RANBP2: variants seen among roughly 807,000 people sequenced by gnomAD.
The protein encoded by RANBP2 is RAN binding protein 2.
A neutral mutation model predicts 303.6 loss-of-function variants in RANBP2; 57 were observed. That is an observed-to-expected ratio of 0.19 (90% confidence interval 0.15 to 0.23). The LOEUF (loss-of-function observed/expected upper bound fraction) is 0.23. RANBP2 is among the 10% of genes least tolerant of loss of function. RANBP2 has a pLI of 1.00. For synonymous variants in RANBP2, 1,167 were observed against 1,301.5 expected (o/e 0.90, Z 2.23); for missense variants, 3,138 against 3,780.8 (o/e 0.83, Z 4.46).
the RANBP2 span, among the ~76,000 whole-genome samples, chr2:109,447,968 A>G: frequency 3.3e-5 from 5 of 152,206 alleles, no homozygotes; most frequent in African/African-American, 1.2e-4. Context: ...AGATGGCAGC[A>G]GGGTGGTGGG....
the RANBP2 span, among the ~76,000 whole-genome samples, chr2:108,961,291 G>A: frequency 6.6e-6 from 1 of 151,850 alleles, no homozygotes; most frequent in Admixed American, 6.5e-5. Context: ...ATAATTAAGA[G>A]GGGGAGACAC....
At chr2:109,567,354 T>C in the RANBP2 span, among the ~76,000 whole-genome samples, 6 of 152,196 alleles carry the variant, frequency 3.9e-5, no homozygotes, top group African/African-American at 1.2e-4. Context: ...TCACCTTCCA[T>C]TGTACTAAAC....
chr2:109,323,740 G>A, the RANBP2 span, among the ~76,000 whole-genome samples: 3 of 152,288 alleles, frequency 2.0e-5, no homozygotes, highest in South Asian at 6.2e-4. Context: ...GTGGGCATGA[G>A]GATGCTTCTC....
chr2:109,178,933 AT>A, the RANBP2 span, among the ~76,000 whole-genome samples: 1 of 151,990 alleles, frequency 6.6e-6, no homozygotes, highest in Admixed American at 6.6e-5. Context: ...TGTGTAAGAT[AT>A]TCAAATTAAC....
chr2:109,138,064 G>A, the RANBP2 span, among the ~76,000 whole-genome samples: 1 of 152,132 alleles, frequency 6.6e-6, no homozygotes, highest in Non-Finnish European at 1.5e-5. Flanking sequence ...TACCCTAGCT[G>A]GAGTGCAGTG....
the RANBP2 span, among the ~76,000 whole-genome samples, chr2:109,340,826 C>T: frequency 6.6e-6 from 1 of 152,130 alleles, no homozygotes; most frequent in Non-Finnish European, 1.5e-5. Context: ...CATTCTAAGG[C>T]CACCACAGAT....
At chr2:109,114,345 T>A in the RANBP2 span, among the ~76,000 whole-genome samples, 2 of 152,320 alleles carry the variant, frequency 1.3e-5, no homozygotes, top group African/African-American at 4.8e-5. Flanking sequence ...TTAACTTCTT[T>A]CTGGTTTAGT....
At chr2:109,078,276 A>AGCGTG in the RANBP2 span, among the ~76,000 whole-genome samples, 9 of 76,804 alleles carry the variant, frequency 1.2e-4, no homozygotes, top group Non-Finnish European at 2.6e-5. Flanking sequence ...GCGTATATAT[A>AGCGTG]TATATATATA....
At chr2:109,367,286 T>A in the RANBP2 span, among the ~76,000 whole-genome samples, 1 of 150,624 alleles carries the variant, frequency 6.6e-6, no homozygotes, top group Non-Finnish European at 1.5e-5. Flanking sequence ...TTTTTACTTT[T>A]TATTTTTATT....
At chr2:109,396,255 A>G in the RANBP2 span, among the ~76,000 whole-genome samples, 1 of 152,236 alleles carries the variant, frequency 6.6e-6, no homozygotes, top group Non-Finnish European at 1.5e-5. Context: ...CTTAGGAGGA[A>G]GCAAATGAAT....
chr2:108,915,469 A>G, the RANBP2 span, among the ~76,000 whole-genome samples: 1 of 152,214 alleles, frequency 6.6e-6, no homozygotes, highest in Non-Finnish European at 1.5e-5. Context: ...TCACCTGTCC[A>G]CTGAGGGGCA....
the RANBP2 span, among the ~76,000 whole-genome samples, chr2:109,674,249 A>G: frequency 3.3e-5 from 5 of 151,354 alleles, no homozygotes; most frequent in African/African-American, 1.2e-4. Context: ...ACCCCCCCCC[A>G]AAATGAAGTA....
the RANBP2 span, among the ~76,000 whole-genome samples, chr2:109,498,849 C>T: frequency 1.3e-5 from 2 of 152,276 alleles, no homozygotes; most frequent in African/African-American, 4.8e-5. Context: ...AGGGCAGGCC[C>T]GGCGTGGCCA....
chr2:109,240,934 T>A, the RANBP2 span, among the ~76,000 whole-genome samples: 2 of 149,054 alleles, frequency 1.3e-5, no homozygotes, highest in South Asian at 2.3e-4. Flanking sequence ...ATGTTCCATC[T>A]TCTTTCTCCC....
the RANBP2 span, among the ~76,000 whole-genome samples, chr2:109,656,259 G>A: frequency 6.6e-6 from 1 of 152,214 alleles, no homozygotes; most frequent in African/African-American, 2.4e-5. Context: ...TCTTGAATGA[G>A]TAAAGTGTAT....
At chr2:108,815,791 CTT>C in the RANBP2 span, 1 of 649,914 alleles carries the variant, frequency 1.5e-6, no homozygotes, top group South Asian at 2.2e-5. Flanking sequence ...ATTTGGAATT[CTT>C]TTGTTTGTTT....
chr2:109,403,113 C>A, the RANBP2 span, among the ~76,000 whole-genome samples: 3 of 152,188 alleles, frequency 2.0e-5, no homozygotes, highest in Non-Finnish European at 2.9e-5. Context: ...AGAAAGGAAG[C>A]GTGCGTCTGT....
chr2:109,078,773 G>A, the RANBP2 span, among the ~76,000 whole-genome samples: 1 of 150,082 alleles, frequency 6.7e-6, no homozygotes, highest in East Asian at 2.0e-4. Context: ...ACGAGGTCAG[G>A]AGATCGAGAC....
At chr2:109,364,691 C>T in the RANBP2 span, among the ~76,000 whole-genome samples, 1 of 152,186 alleles carries the variant, frequency 6.6e-6, no homozygotes, top group Non-Finnish European at 1.5e-5. Context: ...TGTGAACTTC[C>T]CCAGTGCTTC....
Sources: gnomAD v4.1 joint callset for allele counts (sites outside exome capture counted in the v4.1 genomes callset) on GRCh38, gnomAD v4.1.1 for gene constraint, MANE v1.5 for transcripts, NCBI Gene and HGNC (gene_info 2026-07-23, HGNC 2026-07-21) for gene names.